PTCD2: variants seen among roughly 807,000 people sequenced by gnomAD.
PTCD2 encodes the protein pentatricopeptide repeat-containing protein 2, mitochondrial.
PTCD2 carries 31 observed loss-of-function variants against 42.6 expected under a neutral mutation model. The ratio of observed to expected loss-of-function variants is 0.73; its 90% confidence interval spans 0.55 to 0.98. The LOEUF is 0.98. Ranked by LOEUF, PTCD2 falls within the 50% of genes least tolerant of loss-of-function variation. The probability of loss-of-function intolerance (pLI) is 0.00; values close to 1 mark genes in which losing one functional copy is unlikely to be tolerated. For synonymous variants in PTCD2, 183 were observed against 170.9 expected, an observed-to-expected ratio of 1.07 and a Z score of -0.55; for missense variants, 476 against 454.8, an observed-to-expected ratio of 1.05 and a Z score of -0.42.
rs1415598593 is a variant in PTCD2 at position 72,329,971 on chromosome 5, C to G, written c.351-1287C>G. Among the ~76,000 whole-genome samples, 4 of 148,074 alleles carry G rather than the reference C, an allele frequency of 2.7e-5. No individual in the cohort carries two copies. The East Asian group carries it at 7.8e-4, about 29-fold the overall frequency. ...TTTTTGAGATGGAGTCTCGCTCTGT[C>G]GCCCAGGCTGGAGTGCAGGGGTGCT... On this transcript the variant is annotated intron_variant, in intron 3 of 9. Coordinates refer to ENST00000380639, the MANE Select transcript of PTCD2 (RefSeq NM_024754.5).
chr5:72,324,426 T>C (rs1751029611), intron 2 of PTCD2, among the ~76,000 whole-genome samples: 1 of 152,246 alleles, frequency 6.6e-6, no homozygotes, highest in Admixed American at 6.5e-5. Context: ...GGACGGTTTC[T>C]GGTTGATCTA....
intron 7 of PTCD2, among the ~76,000 whole-genome samples, chr5:72,339,016 A>T (rs892879161): frequency 1.3e-5 from 2 of 152,246 alleles, no homozygotes; most frequent in South Asian, 4.1e-4. Context: ...ATTACGTTGT[A>T]ATGTTCTCAG....
chr5:72,331,575 G>T (rs899204627), intron 4 of PTCD2, among the ~76,000 whole-genome samples, 200 bp downstream of exon 4: 2 of 152,170 alleles, frequency 1.3e-5, no homozygotes, highest in African/African-American at 4.8e-5. Context: ...GAACAAGTGT[G>T]GAGGAGGTAT....
intron 6 of PTCD2, among the ~76,000 whole-genome samples, chr5:72,338,374 A>G (rs993139194): frequency 6.6e-6 from 1 of 152,222 alleles, no homozygotes; most frequent in African/African-American, 2.4e-5. Flanking sequence ...TTTTCTGGTT[A>G]AAACTGCCCC....
intron 9 of PTCD2, among the ~76,000 whole-genome samples, chr5:72,354,351 TC>T (rs1336089641): frequency 1.8e-5 from 2 of 112,740 alleles, no homozygotes; most frequent in Non-Finnish European, 3.3e-5. Context: ...GCCACTGCGC[TC>T]CAGCCTGGCG....
Position 72,338,744 on chromosome 5 carries a change from T to C in PTCD2, c.753+9T>C. The C allele has an allele frequency of 6.6e-7, 1 of 1,510,258 alleles. No individual in the cohort carries two copies. Among genetic ancestry groups the C allele is most frequent in the Non-Finnish European group, 9.2e-7 (1 of 1,089,946 alleles). 93.6% of individuals were successfully genotyped at this position (1,510,258 alleles called of 1,614,324 possible). Reference sequence around the variant, plus strand: ...CATTAGCTCTGAATCAGGTAAAGCCTTGTGGTGTACATAAGTAAATTGGGA... The same window carrying C: ...CATTAGCTCTGAATCAGGTAAAGCCCTGTGGTGTACATAAGTAAATTGGGA... On this transcript the variant is annotated intron_variant, in intron 7 of 9. Coordinates refer to ENST00000380639, the MANE Select transcript of PTCD2 (RefSeq NM_024754.5).
At position 72,365,399 on chromosome 5, in the gene PTCD2, A is replaced by T. The variant is rs1042395462; in HGVS notation, c.*6972A>T. ...GAGCACAGCATCACCCTGTCTTTCA[A>T]TCCCCAAAGTAGCCCTTACCCCTAG... On this transcript the variant is annotated 3_prime_UTR_variant, in exon 10 of 10. Coordinates refer to ENST00000380639, the MANE Select transcript of PTCD2 (RefSeq NM_024754.5). 6.6e-6 allele frequency: 1 copy of T among 152,200 alleles called. No individual in the cohort carries two copies. The highest frequency in any genetic ancestry group is 1.5e-5 in the Non-Finnish European group (1 of 68,050). 9.4% of individuals were successfully genotyped at this position (152,200 alleles called of 1,614,324 possible).
At position 72,364,887 on chromosome 5, in the gene PTCD2, T is replaced by C. The variant is rs1344062691; in HGVS notation, c.*6460T>C. On this transcript the variant is annotated 3_prime_UTR_variant, in exon 10 of 10. Coordinates refer to ENST00000380639, the MANE Select transcript of PTCD2 (RefSeq NM_024754.5). ...ACAGCTAATCTGAGAAAGAAGTGAT[T>C]TGGCGAGGGGTTGGGGGAGTAGGCG... The C allele has an allele frequency of 2.0e-5, 3 of 152,310 alleles. No homozygotes were observed. The highest frequency in any genetic ancestry group is 7.2e-5 in the African/African-American group (3 of 41,428). 9.4% of individuals were successfully genotyped at this position (152,310 alleles called of 1,614,324 possible).
In PTCD2 at chr5:72,367,332, A is replaced by G. The variant is rs1753227952; in HGVS notation, c.*8905A>G. 1 of 152,258 alleles carries G rather than the reference A, an allele frequency of 6.6e-6. No homozygotes were observed. Among genetic ancestry groups the G allele is most frequent in the South Asian group, 2.1e-4 (1 of 4,836 alleles). 9.4% of individuals were successfully genotyped at this position (152,258 alleles called of 1,614,324 possible). ...TGACAGAGACCAGAGCTCAGGAGGA[A>G]GAAAGGACAGATGCCCTTGTTCAAG... On this transcript the variant is annotated 3_prime_UTR_variant, in exon 10 of 10. Coordinates refer to ENST00000380639, the MANE Select transcript of PTCD2 (RefSeq NM_024754.5).
intron 2 of PTCD2, among the ~76,000 whole-genome samples, chr5:72,324,858 A>G (rs1751054020): frequency 6.6e-6 from 1 of 152,144 alleles, no homozygotes; most frequent in South Asian, 2.1e-4. Context: ...TATATGATAA[A>G]CAAATGTTGA....
Position 72,326,711 on chromosome 5 carries a change from A to G in PTCD2, c.320A>G (p.His107Arg). 6 of 1,614,136 alleles carry G rather than the reference A, an allele frequency of 3.7e-6. No homozygotes were observed. The highest frequency in any genetic ancestry group is 4.2e-6 in the Non-Finnish European group (5 of 1,179,972). The change falls in exon 3 of 10, where the codon CAT becomes CGT. Residue 107 changes from histidine to arginine, a missense_variant. Physicochemically the swap from His to Arg is conservative, Grantham distance 29 (BLOSUM62 0). Transcript: ENST00000380639. Reference sequence around the variant, plus strand: ...CTACATTTGTGTGAGTCTCGGGACCATGTGGAACTGGCTAAAAATGTCATT... The same window carrying G: ...CTACATTTGTGTGAGTCTCGGGACCGTGTGGAACTGGCTAAAAATGTCATT... The part of the protein sequence containing the change: ...TLLHLCESRD[H>R]VELAKNVIYR...
At chr5:72,357,340 A>G (rs1398645569) in intron 9 of PTCD2, among the ~76,000 whole-genome samples, 1 of 152,190 alleles carries the variant, frequency 6.6e-6, no homozygotes, top group Non-Finnish European at 1.5e-5. Flanking sequence ...AAGTCCTTTC[A>G]GTGTAAACTC....
At chr5:72,357,509 T>G (rs908197611) in intron 9 of PTCD2, among the ~76,000 whole-genome samples, 11 of 152,204 alleles carry the variant, frequency 7.2e-5, no homozygotes, top group African/African-American at 2.4e-4. Context: ...TGAACAGAAA[T>G]GAGATCATTT....
In PTCD2 at chr5:72,342,108, G is replaced by A. The variant is rs867733287; in HGVS notation, c.754-854G>A. 4.0e-5 allele frequency among the ~76,000 whole-genome samples: 6 copies of A among 151,836 alleles called. 1 individual carries two copies. Among genetic ancestry groups the A allele is most frequent in the Non-Finnish European group, 5.9e-5 (4 of 67,900 alleles). ...AAAAATTCAAAAATAAAAGAAAAACGTGTTTCTTTTAGACCGGTCATTTGT... is the reference window on the plus strand; with the variant it reads ...AAAAATTCAAAAATAAAAGAAAAACATGTTTCTTTTAGACCGGTCATTTGT... On this transcript the variant is annotated intron_variant, in intron 7 of 9. Transcript: ENST00000380639.
chr5:72,358,054 C>T lies in PTCD2; in HGVS notation c.943-149C>T, dbSNP rs115983338. 5,509 of 666,362 alleles carry T rather than the reference C, an allele frequency of 8.3e-3. 243 individuals carry two copies. In the African/African-American group the frequency reaches 0.088, roughly 11 times the overall value. The allele number at this position is 666,362 out of a possible 1,614,324, so 41.3% of individuals were successfully genotyped here. ...TGCTCAAGCAGTCCTCCTGTCTCAG[C>T]GTCCAAAATTGCTTAGATTAAAGCA... is the stretch of plus-strand genomic sequence containing the variant. On this transcript the variant is annotated intron_variant, in intron 9 of 9. Transcript: ENST00000380639.
rs138585851 is a variant in PTCD2 at position 72,352,394 on chromosome 5, C to A, written c.829-247C>A. The stretch of plus-strand genomic sequence containing the variant: ...ATCTCTTGACCTCGTGATCTGCCCA[C>A]CTTGGCCTCCCAAAGTGCTGGGATT... On this transcript the variant is annotated intron_variant, in intron 8 of 9. Coordinates refer to ENST00000380639, the MANE Select transcript of PTCD2 (RefSeq NM_024754.5). Among the ~76,000 whole-genome samples the A allele has an allele frequency of 6.3e-4, 96 of 152,282 alleles. 1 individual carries two copies. The East Asian group carries it at 0.016, about 25-fold the overall frequency.
rs201371528 is a variant in PTCD2 at position 72,320,462 on chromosome 5, C to G, written c.80C>G (p.Pro27Arg). The change falls in exon 1 of 10, where the codon CCT (proline) becomes CGT (arginine). Residue 27 changes from proline to arginine, a missense_variant. Coordinates refer to ENST00000380639, the MANE Select transcript of PTCD2 (RefSeq NM_024754.5). ...LLQALQILVY[P>R]GVGGSGSVSC... ...CAGGCGCTGCAGATTTTGGTGTATC[C>G]TGGGGTGGGAGGCTCCGGCTCTGTC... The G allele has an allele frequency of 8.1e-6, 13 of 1,613,988 alleles. No homozygotes were observed.
Position 72,358,944 on chromosome 5 carries a change from G to A in PTCD2, c.*517G>A. 6.4e-6 allele frequency: 1 copy of A among 155,082 alleles called. No individual in the cohort carries two copies. Among genetic ancestry groups the A allele is most frequent in the Non-Finnish European group, 1.4e-5 (1 of 69,768 alleles). The allele number at this position is 155,082 out of a possible 1,614,324, so 9.6% of individuals were successfully genotyped here. On this transcript the variant is annotated 3_prime_UTR_variant, in exon 10 of 10. Transcript: ENST00000380639. ...ATCTGCAAAACAATAATGCCTATGT[G>A]TCTTTGCATATAGATTTGAAATCTT... is the stretch of plus-strand genomic sequence containing the variant.
rs1399650137 is a variant in PTCD2, at chr5:72,338,671, T to G, written c.689T>G (p.Leu230Arg). 1.2e-6 allele frequency: 2 copies of G among 1,613,030 alleles called. No homozygotes were observed. Among genetic ancestry groups the G allele is most frequent in the Admixed American group, 1.7e-5 (1 of 59,998 alleles). Residue 230 changes from leucine to arginine, a missense_variant, in exon 7 of 10, where the codon CTA becomes CGA. Physicochemically the swap from Leu to Arg is moderately radical, Grantham distance 102 (BLOSUM62 -2). Transcript: ENST00000380639. ...KICTTLREEA[L>R]LKGEILSRRA... ...TGTACTACATTAAGAGAAGAAGCTC[T>G]ACTCAAAGGAGAAATTCTCTCCAGG...
Sources: gnomAD v4.1 joint callset for allele counts (sites outside exome capture counted in the v4.1 genomes callset) on GRCh38, gnomAD v4.1.1 for gene constraint, MANE v1.5 for transcripts, NCBI Gene and HGNC (gene_info 2026-07-23, HGNC 2026-07-21) for gene names.